Variants in C5orf47 observed in about 807,000 individuals in gnomAD.
The protein encoded by C5orf47 is chromosome 5 open reading frame 47.
C5orf47 carries 20 observed loss-of-function variants against 20.6 expected under a neutral mutation model. The ratio of observed to expected loss-of-function variants is 0.97; its 90% CI spans 0.68 to 1.41. C5orf47 has a LOEUF of 1.41. Among genes scored for constraint, C5orf47 ranks in the 40% most tolerant of loss-of-function variants. C5orf47 has a pLI of 0.00. For missense variants in C5orf47, 262 were observed against 238.4 expected (o/e 1.10, Z -0.65); for synonymous variants, 106 against 97.3 (o/e 1.09, Z -0.53).
chr5:174,007,196 G>A (rs1168305507), downstream of C5orf47, among the ~76,000 whole-genome samples: 1 of 152,124 alleles, frequency 6.6e-6, no homozygotes, highest in African/African-American at 2.4e-5. Flanking sequence ...TTATCACAAC[G>A]AGGAAGGACA....
intron 1 of C5orf47, among the ~76,000 whole-genome samples, chr5:173,993,010 C>T (rs1759026015): frequency 6.6e-6 from 1 of 152,092 alleles, no homozygotes; most frequent in African/African-American, 2.4e-5. Flanking sequence ...CTTTAAATTT[C>T]TCCCCTATAG....
At chr5:174,002,700 A>G (rs558379728) in intron 4 of C5orf47, among the ~76,000 whole-genome samples, 1 of 152,188 alleles carries the variant, frequency 6.6e-6, no homozygotes, top group Non-Finnish European at 1.5e-5. Flanking sequence ...TTGAACATCA[A>G]TATCAAACAT....
At chr5:173,997,770 G>A (rs1041396945) in intron 1 of C5orf47, among the ~76,000 whole-genome samples, 12 of 152,114 alleles carry the variant, frequency 7.9e-5, no homozygotes, top group Non-Finnish European at 1.5e-4. Context: ...GTACCACAAG[G>A]TATTGTGTAG....
chr5:174,000,075 G>A (rs1032540586), intron 3 of C5orf47, among the ~76,000 whole-genome samples: 1 of 152,072 alleles, frequency 6.6e-6, no homozygotes, highest in Non-Finnish European at 1.5e-5. Flanking sequence ...ATACTTTTCT[G>A]TTAAATGTGA....
intron 1 of C5orf47, 22 bp downstream of exon 1, chr5:173,989,610 G>A (rs899189625): frequency 4.0e-5 from 56 of 1,402,246 alleles, no homozygotes; most frequent in Non-Finnish European, 4.5e-5. Context: ...GGGCAGGGCG[G>A]GACCGGGCGC....
At position 173,989,402 on chromosome 5, in the gene C5orf47, G is replaced by A; in HGVS notation, c.139G>A (p.Ala47Thr). The A allele has an allele frequency of 1.3e-6, 2 of 1,545,122 alleles. No homozygotes were observed. The highest frequency in any genetic ancestry group is 2.5e-5 in the East Asian group (1 of 40,672). ...AQGLWGQGPG[A>T]GCRQEKPREA... ...AGGCCTTTGGGGTCAGGGGCCTGGGGCAGGCTGTCGCCAGGAGAAGCCGAG... is the reference window on the plus strand; with the variant it reads ...AGGCCTTTGGGGTCAGGGGCCTGGGACAGGCTGTCGCCAGGAGAAGCCGAG... Residue 47 changes from alanine to threonine, a missense_variant, in exon 1 of 5, where the codon GCA (alanine) becomes ACA (threonine). Ala to Thr is a moderately conservative substitution (Grantham distance 58). Coordinates refer to ENST00000340147, the MANE Select transcript of C5orf47 (RefSeq NM_001144954.2).
chr5:174,000,248 C>T (rs1425425784), intron 3 of C5orf47, among the ~76,000 whole-genome samples: 1 of 152,112 alleles, frequency 6.6e-6, no homozygotes, highest in Admixed American at 6.6e-5. Flanking sequence ...AAGATCTACC[C>T]TTGAGTTATA....
chr5:173,989,564 G>A lies in C5orf47; in HGVS notation c.301G>A (p.Gly101Ser). 6.7e-7 allele frequency: 1 copy of A among 1,481,752 alleles called. No individual in the cohort carries two copies. Among genetic ancestry groups the A allele is most frequent in the Non-Finnish European group, 9.0e-7 (1 of 1,115,006 alleles). The allele number at this position is 1,481,752 out of a possible 1,614,324, so 91.8% of individuals were successfully genotyped here. A position where few individuals can be genotyped will look rare whatever the true frequency, so the allele number is the denominator to read the frequency against. Residue 101 changes from glycine to serine, a missense_variant, in exon 1 of 5, where the codon GGC becomes AGC. Physicochemically the swap from Gly to Ser is moderately conservative, Grantham distance 56. Coordinates refer to ENST00000340147, the MANE Select transcript of C5orf47 (RefSeq NM_001144954.2). Reference protein sequence around the residue: ...SQLRASRVQSGTRQSARAGLI... With the variant: ...SQLRASRVQSSTRQSARAGLI... ...GCTGCGGGCATCGAGAGTTCAGAGC[G>A]GCACCAGACAGTCGGCGCGTGCAGG...
intron 1 of C5orf47, 48 bp downstream of exon 1, chr5:173,989,636 G>GGCGGA: frequency 7.5e-7 from 1 of 1,337,306 alleles, no homozygotes; most frequent in Non-Finnish European, 9.6e-7. Context: ...GGCGGGACGG[G>GGCGGA]GCGGAGCGGG....
downstream of C5orf47, among the ~76,000 whole-genome samples, chr5:174,008,457 T>C (rs139199912): frequency 2.0e-3 from 312 of 152,296 alleles, 1 homozygote; most frequent in Non-Finnish European, 2.6e-3. Context: ...ATGTTGCTTA[T>C]GGAAAGCCTA....
Position 173,989,178 on chromosome 5 carries a change from C to T in C5orf47, c.-86C>T. 1 of 1,245,088 alleles carries T rather than the reference C, an allele frequency of 8.0e-7. No individual in the cohort carries two copies. The highest frequency in any genetic ancestry group is 1.0e-6 in the Non-Finnish European group (1 of 978,828). The allele number at this position is 1,245,088 out of a possible 1,614,324, so 77.1% of individuals were successfully genotyped here. On this transcript the variant is annotated 5_prime_UTR_variant, in exon 1 of 5. Transcript: ENST00000340147. ...CAGGGTGGTCTGGCCCTAACCGCTC[C>T]CGCATCCCTCGCCTGCACAGTGGGC...
intron 4 of C5orf47, among the ~76,000 whole-genome samples, chr5:174,003,154 A>C (rs1759228862): frequency 6.8e-6 from 1 of 146,884 alleles, no homozygotes; most frequent in African/African-American, 2.5e-5. Context: ...GGAAGATAGA[A>C]AGAGTATGCA....
At chr5:173,993,605 C>T (rs1759037775) in intron 1 of C5orf47, among the ~76,000 whole-genome samples, 2 of 152,102 alleles carry the variant, frequency 1.3e-5, no homozygotes, top group Admixed American at 1.3e-4. Flanking sequence ...GATCGTGCCA[C>T]TGCACTCCAG....
downstream of C5orf47, among the ~76,000 whole-genome samples, chr5:174,006,932 G>A (rs1277782480): frequency 6.6e-6 from 1 of 152,190 alleles, no homozygotes. Flanking sequence ...TTGCACCCAA[G>A]CCAATGATTA....
rs1758935779 is a variant in C5orf47 at position 173,989,399 on chromosome 5, G to A, written c.136G>A (p.Gly46Arg). The A allele has an allele frequency of 1.3e-6, 2 of 1,544,490 alleles. No homozygotes were observed. The highest frequency in any genetic ancestry group is 1.2e-5 in the South Asian group (1 of 82,736). The change falls in exon 1 of 5, where the codon GGG (glycine) becomes AGG (arginine). Residue 46 changes from glycine (G) to arginine (R), a missense_variant. Physicochemically the swap from Gly to Arg is moderately radical, Grantham distance 125 (BLOSUM62 -2). Transcript: ENST00000340147. ...TCAAGGCCTTTGGGGTCAGGGGCCTGGGGCAGGCTGTCGCCAGGAGAAGCC... is the reference window on the plus strand; with the variant it reads ...TCAAGGCCTTTGGGGTCAGGGGCCTAGGGCAGGCTGTCGCCAGGAGAAGCC... ...GAQGLWGQGP[G>R]AGCRQEKPRE...
intron 1 of C5orf47, among the ~76,000 whole-genome samples, chr5:173,996,959 G>A (rs1391375389): frequency 6.6e-6 from 1 of 152,140 alleles, no homozygotes; most frequent in Non-Finnish European, 1.5e-5. Context: ...ATTCCTTAGT[G>A]CTATGTCTGT....
intron 1 of C5orf47, among the ~76,000 whole-genome samples, chr5:173,994,693 G>T (rs1203580343): frequency 6.6e-6 from 1 of 152,222 alleles, no homozygotes; most frequent in African/African-American, 2.4e-5. Flanking sequence ...CCACGCTGCT[G>T]TGCTTGCGAA....
At chr5:173,997,769 G>T (rs943968847) in intron 1 of C5orf47, among the ~76,000 whole-genome samples, 2 of 152,042 alleles carry the variant, frequency 1.3e-5, no homozygotes, top group Non-Finnish European at 2.9e-5. Flanking sequence ...GGTACCACAA[G>T]GTATTGTGTA....
At chr5:173,990,217 C>T (rs1338283062) in intron 1 of C5orf47, among the ~76,000 whole-genome samples, 2 of 148,674 alleles carry the variant, frequency 1.3e-5, no homozygotes, top group Non-Finnish European at 3.0e-5. Context: ...GCCTTGACCG[C>T]AGCCTTGACC....
Sources: allele counts gnomAD v4.1 joint callset (sites outside exome capture counted in the v4.1 genomes callset), GRCh38; gene constraint gnomAD v4.1.1; transcripts MANE v1.5; gene names NCBI Gene and HGNC (gene_info 2026-07-23, HGNC 2026-07-21).